The following EPS15L1 variants were observed in gnomAD, a reference collection of about 807,000 sequenced individuals.
EPS15L1 encodes the protein epidermal growth factor receptor substrate 15-like 1.
A neutral mutation model predicts 117.1 loss-of-function variants in EPS15L1; 43 were observed. That is an observed-to-expected ratio of 0.37 (90% CI 0.29 to 0.47). The LOEUF is 0.47. Ranked by LOEUF, EPS15L1 falls within the 20% of genes least tolerant of loss-of-function variation. The pLI, the probability that EPS15L1 is intolerant of heterozygous loss-of-function variation, is 0.99. For synonymous variants in EPS15L1, 459 were observed against 470.5 expected (o/e 0.98, Z 0.32); for missense variants, 981 against 1,164.0 (o/e 0.84, Z 2.29).
chr19:16,381,865 A>C lies in EPS15L1; in HGVS notation c.2247+3264T>G, dbSNP rs1568403420. 6.6e-6 allele frequency among the ~76,000 whole-genome samples: 1 copy of C among 152,214 alleles called. No individual in the cohort carries two copies. Among genetic ancestry groups the C allele is most frequent in the Admixed American group, 6.5e-5 (1 of 15,288 alleles). ...CGCGGCCTGGGATGGGGAGCCAAGC[A>C]GGTCTAGATGGGAAGTGGTGTGACC... On this transcript the variant is annotated intron_variant, in intron 21 of 23. Transcript: ENST00000455140. The surrounding 1 kb of genome is among the most constrained non-coding windows in gnomAD (Gnocchi z 4.2).
In EPS15L1 at chr19:16,402,363, G is replaced by C; in HGVS notation, c.1749C>G (p.Ser583Arg). The change falls in exon 16 of 24, where the codon AGC (serine) becomes AGG (arginine). Residue 583 changes from serine (S) to arginine (R), a missense_variant. Ser to Arg is a moderately radical substitution (Grantham distance 110). Coordinates refer to ENST00000455140, the MANE Select transcript of EPS15L1 (RefSeq NM_001258374.3). Reference sequence around the variant, plus strand: ...CCCTCTCTGCCAGGGAGACGCCTTCGCTCAGGTTGGCCAGGTCGGTCAGGC... The same window carrying C: ...CCCTCTCTGCCAGGGAGACGCCTTCCCTCAGGTTGGCCAGGTCGGTCAGGC... ...GASLTDLANL[S>R]EGVSLAERGS... 1 of 1,613,762 alleles carries C rather than the reference G, an allele frequency of 6.2e-7. No homozygotes were observed. Among genetic ancestry groups the C allele is most frequent in the Non-Finnish European group, 8.5e-7 (1 of 1,179,890 alleles).
rs761716251 is a variant in EPS15L1 at position 16,361,802 on chromosome 19, A to AG, written c.2562dup (p.Ser855LeufsTer12). Reference sequence around the variant, plus strand: ...ACAGAGGTGAAGTCTGCAAAGCCCGAGGCAGAGGCCTTAGAAGGTTTAGCT... The same window carrying AG: ...ACAGAGGTGAAGTCTGCAAAGCCCGAGGGCAGAGGCCTTAGAAGGTTTAGCT... On this transcript the variant is annotated frameshift_variant, in exon 23 of 24. Coordinates refer to ENST00000455140, the MANE Select transcript of EPS15L1 (RefSeq NM_001258374.3). LOFTEE classifies it high-confidence loss of function. The AG allele has an allele frequency of 6.2e-7, 1 of 1,613,774 alleles. No individual in the cohort carries two copies.
In EPS15L1 at chr19:16,376,563, C is replaced by G. The variant is rs377217709; in HGVS notation, c.2380+559G>C. On this transcript the variant is annotated intron_variant, in intron 22 of 23. Transcript: ENST00000455140. ...GGGCAAGCTGGGGCAGAGGGGAGCC[C>G]CGAGCCATCCTGCCTCCTCACATCA... is the stretch of plus-strand genomic sequence containing the variant. Among the ~76,000 whole-genome samples the G allele has an allele frequency of 3.9e-4, 60 of 152,296 alleles. 1 individual carries two copies. The East Asian group carries it at 0.011, about 28-fold the overall frequency.
chr19:16,417,880 AG>A lies in EPS15L1; in HGVS notation c.1107+67del, dbSNP rs1218467194. ...CCACCGTGGGCTCATGTGTGCCACCAGTGCCACCTGGTGGCAGGCGGTGGGA... is the reference window on the plus strand; with the variant it reads ...CCACCGTGGGCTCATGTGTGCCACCATGCCACCTGGTGGCAGGCGGTGGGA... On this transcript the variant is annotated intron_variant, in intron 11 of 23. Coordinates refer to ENST00000455140, the MANE Select transcript of EPS15L1 (RefSeq NM_001258374.3). 74 of 1,548,026 alleles carry A rather than the reference AG, an allele frequency of 4.8e-5. No individual in the cohort carries two copies. In the Admixed American group the frequency reaches 1.4e-3, roughly 29 times the overall value.
At position 16,404,148 on chromosome 19, in the gene EPS15L1, G is replaced by C. The variant is rs181020894; in HGVS notation, c.1429-218C>G. Among the ~76,000 whole-genome samples the C allele has an allele frequency of 3.9e-4, 60 of 152,214 alleles. 2 individuals carry two copies. Among genetic ancestry groups the C allele is most frequent in the African/African-American group, 1.4e-3 (57 of 41,524 alleles). On this transcript the variant is annotated intron_variant, in intron 14 of 23. Coordinates refer to ENST00000455140, the MANE Select transcript of EPS15L1 (RefSeq NM_001258374.3). This position sits in a 1 kb window ranked among gnomAD's most constrained non-coding sequence, Gnocchi z 4.2. ...ATGGGCTCATCCCACTGTGGCTAAC[G>C]GAAGATCACTTTGGAATAATGAGGG... is the stretch of plus-strand genomic sequence containing the variant.
At chr19:16,426,084 A>G (rs1271784408) in intron 8 of EPS15L1, among the ~76,000 whole-genome samples, 1 of 152,182 alleles carries the variant, frequency 6.6e-6, no homozygotes, top group African/African-American at 2.4e-5. Context: ...AGATGAACTG[A>G]GCACAGAGGG....
chr19:16,380,867 A>G (rs1311023185), intron 21 of EPS15L1, among the ~76,000 whole-genome samples: 1 of 152,238 alleles, frequency 6.6e-6, no homozygotes, highest in Non-Finnish European at 1.5e-5. Context: ...ATCTAGTTAC[A>G]GAGATGCATC....
At chr19:16,440,066 CA>C (rs34503524) in intron 4 of EPS15L1, among the ~76,000 whole-genome samples, 22,840 of 74,804 alleles carry the variant, frequency 0.31, 1,718 homozygotes, top group East Asian at 0.42. Context: ...ACTCTGTCTC[CA>C]AAAAAAAAAA....
intron 1 of EPS15L1, among the ~76,000 whole-genome samples, chr19:16,458,816 T>C (rs2093220922): frequency 6.6e-6 from 1 of 152,200 alleles, no homozygotes; most frequent in Admixed American, 6.5e-5. Context: ...AGAGCTCTAC[T>C]GAACATATCG....
At position 16,404,837 on chromosome 19, in the gene EPS15L1, G is replaced by T; in HGVS notation, c.1267-88C>A. The T allele has an allele frequency of 6.8e-7, 1 of 1,479,666 alleles. No homozygotes were observed. Among genetic ancestry groups the T allele is most frequent in the Non-Finnish European group, 9.3e-7 (1 of 1,080,170 alleles). The allele number at this position is 1,479,666 out of a possible 1,614,324, so 91.7% of individuals were successfully genotyped here. On this transcript the variant is annotated intron_variant, in intron 13 of 23. Coordinates refer to ENST00000455140, the MANE Select transcript of EPS15L1 (RefSeq NM_001258374.3). This position sits in a 1 kb window ranked among gnomAD's most constrained non-coding sequence, Gnocchi z 4.2. ...GGGGGCAGCCTGGGCCAGAAGTCCA[G>T]GGGAAGCCTCCGAAACCACCCACTG... is the stretch of plus-strand genomic sequence containing the variant.
Position 16,425,348 on chromosome 19 carries a change from G to T in EPS15L1, c.559-32C>A, listed in dbSNP as rs201688000. ...GTGCAAACAACAATGGCACTGAAGG[G>T]GCAAGGCTGGGGCCGGGACCATCAG... On this transcript the variant is annotated intron_variant, in intron 8 of 23. Transcript: ENST00000455140. The T allele has an allele frequency of 2.4e-4, 357 of 1,459,752 alleles. 1 individual carries two copies. Among genetic ancestry groups the T allele is most frequent in the Non-Finnish European group, 2.8e-4 (294 of 1,060,684 alleles). 90.4% of individuals were successfully genotyped at this position (1,459,752 alleles called of 1,614,324 possible).
chr19:16,402,959 T>C lies in EPS15L1; in HGVS notation c.1627-474A>G, dbSNP rs571061709. ...GAAGAGAAAACACTGAAAGTAATCC[T>C]ACAGATATTAACCATAAAGCACAAG... On this transcript the variant is annotated intron_variant, in intron 15 of 23. Coordinates refer to ENST00000455140, the MANE Select transcript of EPS15L1 (RefSeq NM_001258374.3). 3.6e-4 allele frequency among the ~76,000 whole-genome samples: 55 copies of C among 152,282 alleles called. No individual in the cohort carries two copies. The South Asian group carries it at 3.9e-3, about 11-fold the overall frequency.
At chr19:16,393,465 C>T (rs1282505800) in intron 18 of EPS15L1, among the ~76,000 whole-genome samples, 9 of 151,660 alleles carry the variant, frequency 5.9e-5, no homozygotes, top group South Asian at 2.1e-4. Context: ...CTGGCTAACA[C>T]GGTGAAACCC....
chr19:16,417,991 G>A lies in EPS15L1; in HGVS notation c.1064C>T (p.Ser355Leu), dbSNP rs141848098. The change falls in exon 11 of 24, where the codon TCG becomes TTG. Residue 355 changes from serine to leucine, a missense_variant. Ser to Leu is a moderately radical substitution (Grantham distance 145, BLOSUM62 -2). This residue lies in a region of EPS15L1 where 819 missense variants were observed against 949.0 expected (regional missense o/e 0.86). Coordinates refer to ENST00000455140, the MANE Select transcript of EPS15L1 (RefSeq NM_001258374.3). The part of the protein sequence containing the change: ...SKGIDPPQVL[S>L]PDMVPPSERG... ...CTCCGAAGGCGGGACCATGTCCGGC[G>A]AGAGGACTTGAGGAGGGTCGATGCC... 4.8e-5 allele frequency: 77 copies of A among 1,614,192 alleles called. No homozygotes were observed. The highest frequency in any genetic ancestry group is 3.0e-4 in the Admixed American group (18 of 60,006).
chr19:16,398,828 T>G (rs950949098), intron 16 of EPS15L1, among the ~76,000 whole-genome samples: 1 of 152,086 alleles, frequency 6.6e-6, no homozygotes, highest in Non-Finnish European at 1.5e-5. Flanking sequence ...GAAGGTACCA[T>G]ACTGATGACT....
At chr19:16,400,334 C>T (rs1316449148) in intron 16 of EPS15L1, among the ~76,000 whole-genome samples, 3 of 133,162 alleles carry the variant, frequency 2.3e-5, no homozygotes, top group Non-Finnish European at 4.6e-5. Flanking sequence ...GAGACTCCGT[C>T]TCAAAAAAAA....
chr19:16,427,771 G>C (rs1303963766), intron 8 of EPS15L1, among the ~76,000 whole-genome samples: 1 of 152,152 alleles, frequency 6.6e-6, no homozygotes, highest in African/African-American at 2.4e-5. Flanking sequence ...GAGTGCACCT[G>C]TAATTCCAGC....
chr19:16,394,567 T>C (rs1170021782), intron 17 of EPS15L1, among the ~76,000 whole-genome samples: 1 of 152,236 alleles, frequency 6.6e-6, no homozygotes, highest in Admixed American at 6.5e-5. Flanking sequence ...AATACTGTTT[T>C]GCTCTGAAAC....
intron 1 of EPS15L1, among the ~76,000 whole-genome samples, chr19:16,453,289 G>A (rs2093164022): frequency 6.6e-6 from 1 of 152,012 alleles, no homozygotes; most frequent in African/African-American, 2.4e-5. Context: ...ATTTTTTGTA[G>A]AGACGGGGTC....
Sources: gnomAD v4.1 joint callset for allele counts (sites outside exome capture counted in the v4.1 genomes callset) on GRCh38, gnomAD v4.1.1 for gene constraint, gnomAD v4.1.1 regional missense constraint, Gnocchi (gnomAD v3.1) non-coding constraint, MANE v1.5 for transcripts, NCBI Gene and HGNC (gene_info 2026-07-23, HGNC 2026-07-21) for gene names.